Variants in KCNAB1 observed in about 807,000 individuals in gnomAD.
The protein encoded by KCNAB1 is potassium voltage-gated channel subfamily A regulatory beta subunit 1, also known as voltage-gated potassium channel subunit beta-1.
A neutral mutation model predicts 64.6 loss-of-function variants in KCNAB1; 35 were observed. That is an observed-to-expected ratio of 0.54 (90% confidence interval 0.41 to 0.72). The LOEUF (loss-of-function observed/expected upper bound fraction) is 0.72. Ranked by LOEUF, KCNAB1 falls within the 30% of genes least tolerant of loss-of-function variation. KCNAB1 has a pLI of 0.00. For synonymous variants in KCNAB1, 177 were observed against 183.8 expected (o/e 0.96, Z 0.30); for missense variants, 401 against 512.9 (o/e 0.78, Z 2.11).
At chr3:156,479,587 C>G (rs547358967) in intron 8 of KCNAB1, among the ~76,000 whole-genome samples, 1 of 152,230 alleles carries the variant, frequency 6.6e-6, no homozygotes, top group East Asian at 1.9e-4. Context: ...AGGGGACACA[C>G]TAACTTTTCG....
chr3:156,311,807 T>C (rs1399176243), intron 1 of KCNAB1, among the ~76,000 whole-genome samples: 1 of 152,182 alleles, frequency 6.6e-6, no homozygotes, highest in Non-Finnish European at 1.5e-5. Context: ...GAGTGTGACT[T>C]GTTACTCCTG....
At position 156,474,619 on chromosome 3, in the gene KCNAB1, T is replaced by C. The variant is rs574802797; in HGVS notation, c.572-115T>C. ...AACAATCATTGTATTCAACGCATTT[T>C]TGAAACTATTCCAATTCTATTTTTT... On this transcript the variant is annotated intron_variant, in intron 7 of 13. Transcript: ENST00000490337. The C allele has an allele frequency of 1.6e-5, 11 of 700,896 alleles. No individual in the cohort carries two copies. The Admixed American group carries it at 2.6e-4, about 17-fold the overall frequency. The allele number at this position is 700,896 out of a possible 1,614,324, so 43.4% of individuals were successfully genotyped here.
At chr3:156,164,819 T>C (rs955724414) in intron 1 of KCNAB1, among the ~76,000 whole-genome samples, 2 of 152,204 alleles carry the variant, frequency 1.3e-5, no homozygotes, top group African/African-American at 4.8e-5. Flanking sequence ...TCCATCTCTT[T>C]TTGTAGTTAG....
At chr3:156,438,661 TTTGTCTAGTACTA>T (rs1313321930) in intron 2 of KCNAB1, among the ~76,000 whole-genome samples, 1 of 152,324 alleles carries the variant, frequency 6.6e-6, no homozygotes, top group African/African-American at 2.4e-5. Context: ...ACTAGTACTA[TTTGTCTAGTACTA>T]TTGTCTAGTA....
intron 1 of KCNAB1, among the ~76,000 whole-genome samples, chr3:156,173,285 G>A (rs917198591): frequency 2.0e-4 from 31 of 152,200 alleles, no homozygotes; most frequent in African/African-American, 7.2e-4. Context: ...TTATCAAGAT[G>A]GCCAGTGAGT....
intron 7 of KCNAB1, among the ~76,000 whole-genome samples, chr3:156,468,618 T>C (rs1452524085): frequency 1.3e-5 from 2 of 152,220 alleles, no homozygotes; most frequent in African/African-American, 2.4e-5. Flanking sequence ...ATAAAAATTA[T>C]ATAATTCACA....
intron 1 of KCNAB1, among the ~76,000 whole-genome samples, chr3:156,327,276 A>C (rs983011445): frequency 6.6e-6 from 1 of 152,192 alleles, no homozygotes; most frequent in Admixed American, 6.5e-5. Flanking sequence ...ACAGAAGTGC[A>C]TGTGTTGAGG....
intron 1 of KCNAB1, among the ~76,000 whole-genome samples, chr3:156,229,708 A>T (rs1716404914): frequency 6.6e-6 from 1 of 152,190 alleles, no homozygotes; most frequent in Non-Finnish European, 1.5e-5. Flanking sequence ...GAGACAATGG[A>T]TTAACACAGA....
At chr3:156,217,748 G>T (rs1345606278) in intron 1 of KCNAB1, among the ~76,000 whole-genome samples, 1 of 152,198 alleles carries the variant, frequency 6.6e-6, no homozygotes, top group Non-Finnish European at 1.5e-5. Flanking sequence ...ACCTGTTATG[G>T]TGTCTCTGGA....
intron 1 of KCNAB1, among the ~76,000 whole-genome samples, chr3:156,162,972 C>T (rs963940316): frequency 1.3e-5 from 2 of 152,030 alleles, no homozygotes; most frequent in Admixed American, 6.6e-5. Flanking sequence ...CTCTGAAGTC[C>T]GTAACTAATT....
At chr3:156,299,918 A>G (rs1721042800) in intron 1 of KCNAB1, among the ~76,000 whole-genome samples, 1 of 152,206 alleles carries the variant, frequency 6.6e-6, no homozygotes, top group African/African-American at 2.4e-5. Context: ...GAGAATCAGA[A>G]TCATTCATTC....
At chr3:156,329,552 G>A (rs1723198752) in intron 1 of KCNAB1, among the ~76,000 whole-genome samples, 1 of 152,110 alleles carries the variant, frequency 6.6e-6, no homozygotes, top group Non-Finnish European at 1.5e-5. Context: ...GACTACAAGG[G>A]GTCTCTTGGA....
intron 2 of KCNAB1, among the ~76,000 whole-genome samples, chr3:156,438,547 G>A (rs772660110): frequency 4.6e-5 from 7 of 152,108 alleles, no homozygotes; most frequent in Non-Finnish European, 8.8e-5. Flanking sequence ...TGTGAGTTCT[G>A]AAAAAGTCAT....
chr3:156,162,725 A>C (rs1054997752), intron 1 of KCNAB1, among the ~76,000 whole-genome samples: 40 of 152,260 alleles, frequency 2.6e-4, no homozygotes, highest in African/African-American at 9.1e-4. Flanking sequence ...TTAAAAGAAA[A>C]CAAAACACCA....
intron 11 of KCNAB1, among the ~76,000 whole-genome samples, chr3:156,520,166 T>G (rs1379479218): frequency 6.6e-6 from 1 of 152,198 alleles, no homozygotes; most frequent in Non-Finnish European, 1.5e-5. Flanking sequence ...ATTAATTTGA[T>G]GAGCCATAAC....
chr3:156,304,715 C>T (rs1721371003), intron 1 of KCNAB1, among the ~76,000 whole-genome samples: 1 of 152,172 alleles, frequency 6.6e-6, no homozygotes, highest in Non-Finnish European at 1.5e-5. Context: ...CTAAAGAGTT[C>T]AGGACTGATG....
At chr3:156,173,742 T>A (rs1041218208) in intron 1 of KCNAB1, among the ~76,000 whole-genome samples, 23 of 152,262 alleles carry the variant, frequency 1.5e-4, no homozygotes, top group African/African-American at 4.8e-4. Context: ...CCCAGATGTT[T>A]GTTTCAATGT....
At chr3:156,143,287 A>C (rs758171719) in intron 1 of KCNAB1, 1 of 1,613,814 alleles carries the variant, frequency 6.2e-7, no homozygotes, top group South Asian at 1.1e-5. Flanking sequence ...AGTGACCAAG[A>C]CTCAGCCTCA....
chr3:156,423,021 A>G (rs1284527519), intron 2 of KCNAB1, among the ~76,000 whole-genome samples: 3 of 152,236 alleles, frequency 2.0e-5, no homozygotes, highest in African/African-American at 7.2e-5. Flanking sequence ...GGGTTCAGCA[A>G]CATGGAGGTC....
Sources: gnomAD v4.1 joint callset for allele counts (sites outside exome capture counted in the v4.1 genomes callset) on GRCh38, gnomAD v4.1.1 for gene constraint, MANE v1.5 for transcripts, NCBI Gene and HGNC (gene_info 2026-07-23, HGNC 2026-07-21) for gene names.